TRPC4: variants seen among roughly 807,000 people sequenced by gnomAD.
TRPC4 encodes short transient receptor potential channel 4.
Under a neutral mutation model 99.4 loss-of-function variants are expected in TRPC4, and 49 were observed. The observed-to-expected ratio is 0.49, with a 90% CI of 0.39 to 0.63. The LOEUF (loss-of-function observed/expected upper bound fraction) is 0.63. Ranked by LOEUF, TRPC4 falls within the 20% of genes least tolerant of loss-of-function variation. TRPC4 has a pLI of 0.00. For synonymous variants in TRPC4, 454 were observed against 425.9 expected, an observed-to-expected ratio of 1.07 and a Z score of -0.81; for missense variants, 898 against 1,152.9, an observed-to-expected ratio of 0.78 and a Z score of 3.20.
intron 3 of TRPC4, among the ~76,000 whole-genome samples, chr13:37,716,720 A>T (rs543288704): frequency 3.9e-5 from 6 of 152,252 alleles, no homozygotes; most frequent in African/African-American, 1.4e-4. Context: ...ATCTTAAAAA[A>T]AACCACGCAC....
At chr13:37,707,704 C>T (rs1159405625) in intron 3 of TRPC4, among the ~76,000 whole-genome samples, 1 of 152,044 alleles carries the variant, frequency 6.6e-6, no homozygotes, top group Non-Finnish European at 1.5e-5. Context: ...ACTCTTAATC[C>T]TCTTGCAATT....
At chr13:37,770,770 T>A (rs1956531055) in intron 2 of TRPC4, among the ~76,000 whole-genome samples, 1 of 151,664 alleles carries the variant, frequency 6.6e-6, no homozygotes, top group African/African-American at 2.4e-5. Flanking sequence ...AATTAATAGT[T>A]ATATATGTGC....
At chr13:37,655,022 G>T in intron 7 of TRPC4, 66 bp downstream of exon 7, 1 of 1,177,720 alleles carries the variant, frequency 8.5e-7, no homozygotes, top group Non-Finnish European at 1.1e-6. Flanking sequence ...ATAAGAAGAT[G>T]GAGTATAGCT....
At chr13:37,791,564 A>G (rs1267963108) in intron 1 of TRPC4, among the ~76,000 whole-genome samples, 1 of 152,166 alleles carries the variant, frequency 6.6e-6, no homozygotes, top group Admixed American at 6.6e-5. Flanking sequence ...TTGTGTTTCA[A>G]ACATTGGCAA....
chr13:37,850,236 G>T (rs1024333820), intron 1 of TRPC4, among the ~76,000 whole-genome samples: 1 of 152,128 alleles, frequency 6.6e-6, no homozygotes, highest in Non-Finnish European at 1.5e-5. Context: ...GAAAACCATA[G>T]GCCTGAAAAA....
At position 37,701,618 on chromosome 13, in the gene TRPC4, A is replaced by C. The variant is rs114978193; in HGVS notation, c.898-9283T>G. On this transcript the variant is annotated intron_variant, in intron 3 of 10. Transcript: ENST00000379705. ...TCCTGAGAAAATGCACATCCCAGTA[A>C]GTAAGGACAAATCATGAGGCAGGGT... 9.3e-3 allele frequency among the ~76,000 whole-genome samples: 1,413 copies of C among 152,194 alleles called. 34 individuals are homozygous for C. Among genetic ancestry groups the C allele is most frequent in the African/African-American group, 0.033 (1,359 of 41,540 alleles).
chr13:37,762,717 T>G (rs1956256414), intron 2 of TRPC4, among the ~76,000 whole-genome samples: 1 of 75,742 alleles, frequency 1.3e-5, no homozygotes, highest in African/African-American at 5.5e-5. Context: ...GGGACTGTTG[T>G]GGGGTGGGGG....
chr13:37,769,691 A>G (rs941197088), intron 2 of TRPC4, among the ~76,000 whole-genome samples: 9 of 151,488 alleles, frequency 5.9e-5, no homozygotes, highest in African/African-American at 1.7e-4. Context: ...CTATGCAGGT[A>G]TCTAGAAGCC....
intron 2 of TRPC4, among the ~76,000 whole-genome samples, chr13:37,770,722 G>A (rs17056612): frequency 0.1 from 15,538 of 151,414 alleles, 895 homozygotes; most frequent in Admixed American, 0.16. Context: ...TTAATTTATC[G>A]AATACACATT....
intron 2 of TRPC4, among the ~76,000 whole-genome samples, chr13:37,747,984 A>G (rs1433238621): frequency 1.3e-5 from 2 of 152,132 alleles, no homozygotes; most frequent in Admixed American, 1.3e-4. Context: ...CTCTTAAGTG[A>G]CTAAGGTTTG....
At chr13:37,646,253 C>T (rs1417573408) in intron 8 of TRPC4, among the ~76,000 whole-genome samples, 1 of 152,206 alleles carries the variant, frequency 6.6e-6, no homozygotes, top group African/African-American at 2.4e-5. Context: ...AGAGACCATC[C>T]TGCCTCCTGT....
chr13:37,749,448 A>T (rs1269792928), intron 2 of TRPC4, among the ~76,000 whole-genome samples: 1 of 152,118 alleles, frequency 6.6e-6, no homozygotes, highest in African/African-American at 2.4e-5. Flanking sequence ...GACATCAGGA[A>T]CTGATTGTCT....
At chr13:37,667,735 T>C (rs1197087348) in intron 5 of TRPC4, among the ~76,000 whole-genome samples, 2 of 152,236 alleles carry the variant, frequency 1.3e-5, no homozygotes, top group South Asian at 2.1e-4. Flanking sequence ...CTCTATGTTC[T>C]GACTCCTTTT....
At chr13:37,657,496 G>T (rs972603052) in intron 6 of TRPC4, among the ~76,000 whole-genome samples, 1 of 152,196 alleles carries the variant, frequency 6.6e-6, no homozygotes, top group African/African-American at 2.4e-5. Context: ...TAATGTGAAA[G>T]AATTGTATTC....
chr13:37,736,760 A>T (rs970458623), intron 3 of TRPC4, among the ~76,000 whole-genome samples: 3 of 151,826 alleles, frequency 2.0e-5, no homozygotes, highest in Non-Finnish European at 4.4e-5. Context: ...ACAGGGTCTC[A>T]CTCTGTCACC....
At chr13:37,789,646 T>G (rs988728753) in intron 1 of TRPC4, among the ~76,000 whole-genome samples, 1 of 152,114 alleles carries the variant, frequency 6.6e-6, no homozygotes, top group Non-Finnish European at 1.5e-5. Context: ...AGTCAATAGC[T>G]GTTAAGCTAT....
intron 1 of TRPC4, among the ~76,000 whole-genome samples, chr13:37,803,139 C>T (rs968389866): frequency 1.3e-5 from 2 of 151,924 alleles, no homozygotes; most frequent in African/African-American, 2.4e-5. Context: ...TTTTGACATG[C>T]TTTCATCCTT....
chr13:37,671,480 A>G (rs1952838135), intron 5 of TRPC4, among the ~76,000 whole-genome samples: 1 of 152,124 alleles, frequency 6.6e-6, no homozygotes, highest in Non-Finnish European at 1.5e-5. Flanking sequence ...ACTCTTTTAA[A>G]ACTAAAATAA....
Position 37,750,311 on chromosome 13 carries a change from C to T in TRPC4, c.379-3856G>A, listed in dbSNP as rs191223300. On this transcript the variant is annotated intron_variant, in intron 2 of 10. Transcript: ENST00000379705. The stretch of plus-strand genomic sequence containing the variant: ...TTCTGTTTTGAACATGAAGGAATAA[C>T]GTACATGTATGTTGATTTTGTTTCT... Among the ~76,000 whole-genome samples the T allele has an allele frequency of 5.0e-3, 768 of 152,174 alleles. 5 individuals carry two copies. The highest frequency in any genetic ancestry group is 0.01 in the Admixed American group (153 of 15,276).
Sources: allele counts gnomAD v4.1 joint callset (sites outside exome capture counted in the v4.1 genomes callset), GRCh38; gene constraint gnomAD v4.1.1; transcripts MANE v1.5; gene names NCBI Gene and HGNC (gene_info 2026-07-23, HGNC 2026-07-21).